The following BLM variants were observed in gnomAD, a reference collection of about 807,000 sequenced individuals.
BLM encodes BLM RecQ like helicase.
BLM carries 95 observed loss-of-function variants against 135.3 expected under a neutral mutation model. The ratio of observed to expected loss-of-function variants is 0.70; its 90% CI spans 0.59 to 0.83. BLM has a LOEUF of 0.83. BLM is among the 40% of genes least tolerant of loss of function. The pLI is 0.00. For missense variants in BLM, 1,518 were observed against 1,663.9 expected, an observed-to-expected ratio of 0.91 and a Z score of 1.53; for synonymous variants, 520 against 589.2, an observed-to-expected ratio of 0.88 and a Z score of 1.70.
At chr15:90,791,556 T>C (rs1256725697) in intron 15 of BLM, among the ~76,000 whole-genome samples, 1 of 152,198 alleles carries the variant, frequency 6.6e-6, no homozygotes, top group South Asian at 2.1e-4. Context: ...ATCTTGTTTA[T>C]TGTTTTTCAC....
chr15:90,784,074 T>A (rs1181972603), intron 13 of BLM, among the ~76,000 whole-genome samples: 1 of 152,180 alleles, frequency 6.6e-6, no homozygotes, highest in East Asian at 1.9e-4. Context: ...CATTTTCCCA[T>A]GTCTTTTAAA....
At chr15:90,798,568 C>T (rs1897088332) in intron 17 of BLM, among the ~76,000 whole-genome samples, 2 of 152,080 alleles carry the variant, frequency 1.3e-5, no homozygotes, top group South Asian at 4.1e-4. Flanking sequence ...AAAGCTTATG[C>T]GAGTTCATCT....
At chr15:90,774,252 A>C (rs894592073) in intron 12 of BLM, among the ~76,000 whole-genome samples, 3 of 151,242 alleles carry the variant, frequency 2.0e-5, no homozygotes, top group Admixed American at 6.6e-5. Flanking sequence ...TTGTATTTTT[A>C]GTAGAGATGG....
At chr15:90,769,911 G>A (rs1012449670) in intron 12 of BLM, among the ~76,000 whole-genome samples, 1 of 151,914 alleles carries the variant, frequency 6.6e-6, no homozygotes, top group Non-Finnish European at 1.5e-5. Flanking sequence ...TATCATCCCT[G>A]GTATAGTCCC....
chr15:90,772,431 A>T lies in BLM; in HGVS notation c.2555+2845A>T, dbSNP rs78055945. Among the ~76,000 whole-genome samples, 782 of 152,308 alleles carry T rather than the reference A, an allele frequency of 5.1e-3. 13 individuals carry two copies. Among genetic ancestry groups the T allele is most frequent in the East Asian group, 0.035 (183 of 5,182 alleles). On this transcript the variant is annotated intron_variant, in intron 12 of 21. Transcript: ENST00000355112. The stretch of plus-strand genomic sequence containing the variant: ...CAATAATAATAGCTAACACTTACAT[A>T]TCCAGCCTACTCAGTGTGCCAGGCA...
chr15:90,811,148 A>G, intron 20 of BLM, 57 bp from the exon 21 acceptor site: 2 of 1,584,642 alleles, frequency 1.3e-6, no homozygotes, highest in African/African-American at 1.3e-5. Context: ...CATATACACT[A>G]AAAACACGTG....
intron 16 of BLM, among the ~76,000 whole-genome samples, chr15:90,796,231 C>A (rs1897024795): frequency 6.6e-6 from 1 of 152,126 alleles, no homozygotes; most frequent in Non-Finnish European, 1.5e-5. Flanking sequence ...AATTGGGAAT[C>A]TAATATTGAA....
At chr15:90,771,830 G>A (rs1012197545) in intron 12 of BLM, among the ~76,000 whole-genome samples, 1 of 152,074 alleles carries the variant, frequency 6.6e-6, no homozygotes, top group African/African-American at 2.4e-5. Context: ...ATGACTTTTT[G>A]TAAGTATAGG....
At chr15:90,780,751 C>G (rs549573530) in intron 12 of BLM, among the ~76,000 whole-genome samples, 1 of 152,322 alleles carries the variant, frequency 6.6e-6, no homozygotes, top group Non-Finnish European at 1.5e-5. Flanking sequence ...CTGCTGTATC[C>G]TCCCGCCAGG....
At chr15:90,751,675 G>A (rs189782735) in intron 3 of BLM, 112 bp from the exon 4 acceptor site, 1 of 831,226 alleles carries the variant, frequency 1.2e-6, no homozygotes, top group Non-Finnish European at 2.0e-6. Context: ...CATACAAAGT[G>A]GTGTGATTGT....
At chr15:90,761,377 CTGA>C (rs1355633758) in intron 7 of BLM, 122 bp downstream of exon 7, 1 of 763,686 alleles carries the variant, frequency 1.3e-6, no homozygotes, top group African/African-American at 1.8e-5. Flanking sequence ...CAAATTTCTA[CTGA>C]TGATATGAAT....
chr15:90,747,597 G>T, intron 2 of BLM, 107 bp downstream of exon 2: 1 of 769,680 alleles, frequency 1.3e-6, no homozygotes, highest in Non-Finnish European at 2.2e-6. Context: ...AGGAAATGAA[G>T]CTGAGAGATT....
At chr15:90,774,499 A>G (rs891698208) in intron 12 of BLM, among the ~76,000 whole-genome samples, 1 of 152,046 alleles carries the variant, frequency 6.6e-6, no homozygotes, top group African/African-American at 2.4e-5. Flanking sequence ...GCATTTTAGC[A>G]GGCAAAGAGT....
At position 90,785,180 on chromosome 15, in the gene BLM, A is replaced by G. The variant is rs908402645; in HGVS notation, c.2823+99A>G. Reference sequence around the variant, plus strand: ...TGCAAACTGTTTTTACCTTGAAGGTAGTAAACATCAAAATAAGACTGAAAT... The same window carrying G: ...TGCAAACTGTTTTTACCTTGAAGGTGGTAAACATCAAAATAAGACTGAAAT... On this transcript the variant is annotated intron_variant, in intron 14 of 21. Coordinates refer to ENST00000355112, the MANE Select transcript of BLM (RefSeq NM_000057.4). 7.1e-5 allele frequency: 91 copies of G among 1,290,666 alleles called. No individual in the cohort carries two copies. In the East Asian group the frequency reaches 1.6e-3, roughly 23 times the overall value. 80.0% of individuals were successfully genotyped at this position (1,290,666 alleles called of 1,614,324 possible).
rs2151158394 is a variant in BLM, at chr15:90,760,890, C to T, written c.1517C>T (p.Ala506Val). 1 of 1,613,972 alleles carries T rather than the reference C, an allele frequency of 6.2e-7. No homozygotes were observed. Among genetic ancestry groups the T allele is most frequent in the Non-Finnish European group, 8.5e-7 (1 of 1,180,012 alleles). ...LQKSFVSSNWAETPRLGKKNE... is the reference protein window; with the variant it reads ...LQKSFVSSNWVETPRLGKKNE... ...AAGTCCTTTGTAAGTAGCAACTGGG[C>T]TGAAACACCAAGACTAGGAAAAAAA... is the stretch of plus-strand genomic sequence containing the variant. Residue 506 changes from alanine to valine, a missense_variant, in exon 7 of 22, where the codon GCT becomes GTT. Around this residue, in one of 5 missense-constraint regions of BLM, gnomAD observed 724 missense variants for 756.9 expected, o/e 0.96. Transcript: ENST00000355112.
chr15:90,766,532 A>T (rs1221960700), intron 9 of BLM, among the ~76,000 whole-genome samples: 1 of 151,984 alleles, frequency 6.6e-6, no homozygotes, highest in African/African-American at 2.4e-5. Context: ...AGCTCCAGCA[A>T]TTTTCCTGCC....
intron 1 of BLM, among the ~76,000 whole-genome samples, chr15:90,730,927 C>G (rs923145264): frequency 2.0e-5 from 3 of 151,598 alleles, no homozygotes; most frequent in Non-Finnish European, 4.4e-5. Flanking sequence ...ACAACTTGGT[C>G]TCGGTATTTT....
In BLM at chr15:90,761,030, A is replaced by G. The variant is rs778873363; in HGVS notation, c.1657A>G (p.Ile553Val). The G allele has an allele frequency of 3.5e-5, 56 of 1,598,142 alleles. No individual in the cohort carries two copies. Among genetic ancestry groups the G allele is most frequent in the Non-Finnish European group, 4.7e-5 (55 of 1,173,820 alleles). The change falls in exon 7 of 22, where the codon ATT becomes GTT. Residue 553 changes from isoleucine (I) to valine (V), a missense_variant. Coordinates refer to ENST00000355112, the MANE Select transcript of BLM (RefSeq NM_000057.4). Reference sequence around the variant, plus strand: ...AAGAGAAACCCAACCTTCCTATGATATTGATAATTTTGACATAGATGACTT... The same window carrying G: ...AAGAGAAACCCAACCTTCCTATGATGTTGATAATTTTGACATAGATGACTT... ...LERETQPSYD[I>V]DNFDIDDFDD...
At chr15:90,769,068 A>C in intron 10 of BLM, 65 bp from the exon 11 acceptor site, 2 of 1,305,198 alleles carry the variant, frequency 1.5e-6, no homozygotes, top group Non-Finnish European at 2.2e-6. Context: ...TGGAATTTGA[A>C]GACCACAGAA....
Sources: allele counts gnomAD v4.1 joint callset (sites outside exome capture counted in the v4.1 genomes callset), GRCh38; gene constraint gnomAD v4.1.1; regional missense constraint gnomAD v4.1.1; transcripts MANE v1.5; gene names NCBI Gene and HGNC (gene_info 2026-07-23, HGNC 2026-07-21).